CYP7B1: variants seen among roughly 807,000 people sequenced by gnomAD.
The protein encoded by CYP7B1 is cytochrome P450 family 7 subfamily B member 1.
In CYP7B1, 29 loss-of-function variants were observed where a neutral mutation model predicts 42.7. The ratio of observed to expected loss-of-function variants is 0.68; its 90% CI spans 0.51 to 0.93. CYP7B1 has a LOEUF of 0.93. CYP7B1 is among the 40% of genes least tolerant of loss of function. The pLI is 0.00. For synonymous variants in CYP7B1, 235 were observed against 218.2 expected, an observed-to-expected ratio of 1.08 and a Z score of -0.68; for missense variants, 655 against 600.5, an observed-to-expected ratio of 1.09 and a Z score of -0.95.
chr8:64,604,480 T>C (rs1301678111), intron 5 of CYP7B1, among the ~76,000 whole-genome samples: 1 of 152,196 alleles, frequency 6.6e-6, no homozygotes, highest in Non-Finnish European at 1.5e-5. Context: ...TTTCTCTTTA[T>C]AGATCATGGA....
intron 1 of CYP7B1, among the ~76,000 whole-genome samples, chr8:64,662,385 A>G (rs557358111): frequency 6.6e-6 from 1 of 152,304 alleles, no homozygotes; most frequent in South Asian, 2.1e-4. Context: ...AAGTGTTGGT[A>G]GATTGCTTTT....
chr8:64,710,268 A>G (rs1241424619), intron 1 of CYP7B1, among the ~76,000 whole-genome samples: 1 of 152,186 alleles, frequency 6.6e-6, no homozygotes, highest in Non-Finnish European at 1.5e-5. Flanking sequence ...CAAATTCTTT[A>G]GAGTTTGATG....
At chr8:64,659,098 C>T (rs1219916576) in intron 1 of CYP7B1, among the ~76,000 whole-genome samples, 2 of 152,148 alleles carry the variant, frequency 1.3e-5, no homozygotes, top group Non-Finnish European at 2.9e-5. Context: ...ACTATAGCAG[C>T]TAGTTTGCTT....
intron 1 of CYP7B1, among the ~76,000 whole-genome samples, chr8:64,632,404 TA>T (rs1177881950): frequency 6.6e-6 from 1 of 152,072 alleles, no homozygotes; most frequent in African/African-American, 2.4e-5. Context: ...TTGTTGTTAC[TA>T]GGGGCTGGGG....
chr8:64,599,588 A>G (rs1295056595), intron 5 of CYP7B1, among the ~76,000 whole-genome samples: 1 of 152,240 alleles, frequency 6.6e-6, no homozygotes, highest in Non-Finnish European at 1.5e-5. Flanking sequence ...AAGAGAAGGT[A>G]TAAGACACGG....
chr8:64,701,087 G>C (rs1334135112), intron 1 of CYP7B1, among the ~76,000 whole-genome samples: 1 of 152,034 alleles, frequency 6.6e-6, no homozygotes, highest in Non-Finnish European at 1.5e-5. Context: ...GAACACGGTG[G>C]TATTTGTTTG....
intron 1 of CYP7B1, among the ~76,000 whole-genome samples, chr8:64,688,297 C>T (rs1806686824): frequency 6.6e-6 from 1 of 152,186 alleles, no homozygotes; most frequent in African/African-American, 2.4e-5. Context: ...ATAGTGACTA[C>T]AGTTAATATA....
chr8:64,697,064 T>C (rs1397061957), intron 1 of CYP7B1, among the ~76,000 whole-genome samples: 1 of 152,210 alleles, frequency 6.6e-6, no homozygotes, highest in Non-Finnish European at 1.5e-5. Flanking sequence ...AAGGGTTTTA[T>C]CTACTGCTTT....
intron 1 of CYP7B1, among the ~76,000 whole-genome samples, chr8:64,741,112 C>T (rs1423871543): frequency 6.6e-6 from 1 of 151,958 alleles, no homozygotes; most frequent in Non-Finnish European, 1.5e-5. Context: ...AAACTGGATG[C>T]TCTTTCCCTA....
rs1295797499 is a variant in CYP7B1, at chr8:64,615,718, A to G, written c.823T>C (p.Tyr275His). 5 of 1,613,578 alleles carry G rather than the reference A, an allele frequency of 3.1e-6. No homozygotes were observed. Among genetic ancestry groups the G allele is most frequent in the Non-Finnish European group, 4.2e-6 (5 of 1,179,704 alleles). ...CCTATTTCAAGGTCCTCGTGCACAT[A>G]ATATTTCTCCAGGACATCTTGCCTG... ...QSRQDVLEKY[Y>H]VHEDLEIGAH... Residue 275 changes from tyrosine (Y) to histidine (H), a missense_variant, in exon 3 of 6, where the codon TAT (tyrosine) becomes CAT (histidine). Tyr to His is a moderately conservative substitution (Grantham distance 83, BLOSUM62 2). Coordinates refer to ENST00000310193, the MANE Select transcript of CYP7B1 (RefSeq NM_004820.5).
In CYP7B1 at chr8:64,615,213, G is replaced by A. The variant is rs764232166; in HGVS notation, c.870C>T (p.Leu290=). The change falls in exon 4 of 6, where the codon CTC becomes CTT. Residue 290 remains leucine (L), a synonymous_variant. Coordinates refer to ENST00000310193, the MANE Select transcript of CYP7B1 (RefSeq NM_004820.5). The stretch of plus-strand genomic sequence containing the variant: ...GAATAGTGTTTGCCACAGAGGCCCA[G>A]AGAAAGCCTAAATGATGTGCTGGGA... ...LEIGAHHLGF[L]WASVANTIPT... The A allele has an allele frequency of 6.2e-7, 1 of 1,613,158 alleles. No individual in the cohort carries two copies. Among genetic ancestry groups the A allele is most frequent in the South Asian group, 1.1e-5 (1 of 91,042 alleles).
intron 4 of CYP7B1, 92 bp from the exon 5 acceptor site, chr8:64,604,949 T>C: frequency 7.3e-7 from 1 of 1,372,284 alleles, no homozygotes; most frequent in Non-Finnish European, 1.0e-6. Flanking sequence ...CTAATAGCCT[T>C]GATTGAAAAG....
intron 1 of CYP7B1, among the ~76,000 whole-genome samples, chr8:64,754,030 C>T (rs904380933): frequency 1.7e-4 from 26 of 151,786 alleles, no homozygotes; most frequent in Admixed American, 1.2e-3. Flanking sequence ...GGTTGGTGCT[C>T]GTACACAACC....
intron 1 of CYP7B1, among the ~76,000 whole-genome samples, chr8:64,690,237 A>C (rs971767919): frequency 1.3e-5 from 2 of 152,184 alleles, no homozygotes; most frequent in Non-Finnish European, 2.9e-5. Flanking sequence ...TCTCTACAAA[A>C]ATAAAAATTA....
chr8:64,592,651 G>C lies in CYP7B1; in HGVS notation c.*3991C>G, dbSNP rs77576509. Among the ~76,000 whole-genome samples, 3,881 of 152,234 alleles carry C rather than the reference G, an allele frequency of 0.025. 155 individuals are homozygous for C. The highest frequency in any genetic ancestry group is 0.089 in the African/African-American group (3,676 of 41,524). ...AATACACAAGAGCAATTTTTTAAAGGCACAACACTGTTGAAGTATCTTCAT... is the reference window on the plus strand; with the variant it reads ...AATACACAAGAGCAATTTTTTAAAGCCACAACACTGTTGAAGTATCTTCAT... On this transcript the variant is annotated 3_prime_UTR_variant, in exon 6 of 6. Coordinates refer to ENST00000310193, the MANE Select transcript of CYP7B1 (RefSeq NM_004820.5).
chr8:64,752,458 T>C (rs1487558560), intron 1 of CYP7B1, among the ~76,000 whole-genome samples: 1 of 151,900 alleles, frequency 6.6e-6, no homozygotes. Flanking sequence ...CTCTGAGAGG[T>C]TTATATTAAT....
rs1053781819 is a variant in CYP7B1, at chr8:64,681,489, A to T, written c.123-56950T>A. Among the ~76,000 whole-genome samples, 5 of 152,336 alleles carry T rather than the reference A, an allele frequency of 3.3e-5. No individual in the cohort carries two copies. In the East Asian group the frequency reaches 9.6e-4, roughly 29 times the overall value. ...ACAAGGATGGATTTGTGTGACAACT[A>T]TTGTAAGGCAGAAGTGATGGTATGT... On this transcript the variant is annotated intron_variant, in intron 1 of 5. Transcript: ENST00000310193.
Position 64,792,856 on chromosome 8 carries a change from T to G in CYP7B1, c.122+5610A>C, listed in dbSNP as rs181039657. Among the ~76,000 whole-genome samples, 83 of 152,118 alleles carry G rather than the reference T, an allele frequency of 5.5e-4. No homozygotes were observed. The Middle Eastern group carries it at 0.017, about 31-fold the overall frequency. ...AATTTTGGGTCTATTTGGGATGGAG[T>G]GAATGCATTTTTTTTAATGTAGGAT... On this transcript the variant is annotated intron_variant, in intron 1 of 5. Coordinates refer to ENST00000310193, the MANE Select transcript of CYP7B1 (RefSeq NM_004820.5).
chr8:64,677,718 T>A (rs975305673), intron 1 of CYP7B1, among the ~76,000 whole-genome samples: 2 of 148,830 alleles, frequency 1.3e-5, no homozygotes, highest in African/African-American at 4.9e-5. Flanking sequence ...TTTTTTTTTT[T>A]TTTTTTTTTT....
Sources: gnomAD v4.1 joint callset for allele counts (sites outside exome capture counted in the v4.1 genomes callset) on GRCh38, gnomAD v4.1.1 for gene constraint, MANE v1.5 for transcripts, NCBI Gene and HGNC (gene_info 2026-07-23, HGNC 2026-07-21) for gene names.